Variants in RIN2 observed in about 807,000 individuals in gnomAD.
RIN2 encodes Ras and Rab interactor 2.
Under a neutral mutation model 78.0 loss-of-function variants are expected in RIN2, and 36 were observed. The ratio of observed to expected loss-of-function variants is 0.46; its 90% confidence interval spans 0.35 to 0.61. The LOEUF (loss-of-function observed/expected upper bound fraction) is 0.61, where lower values mean the gene tolerates loss of function less well. RIN2 is among the 20% of genes least tolerant of loss of function. RIN2 has a pLI of 0.00. For synonymous variants in RIN2, 466 were observed against 466.8 expected (o/e 1.00, Z 0.02); for missense variants, 1,087 against 1,159.7 (o/e 0.94, Z 0.91).
chr20:19,973,496 A>G (rs1267125950), intron 8 of RIN2, among the ~76,000 whole-genome samples: 5 of 152,088 alleles, frequency 3.3e-5, no homozygotes, highest in Non-Finnish European at 7.4e-5. Context: ...GATAGAGAAT[A>G]ACCCATTCCA....
intron 2 of RIN2, among the ~76,000 whole-genome samples, chr20:19,866,159 T>C (rs1260246255): frequency 6.6e-6 from 1 of 152,056 alleles, no homozygotes; most frequent in East Asian, 1.9e-4. Context: ...TAGATTCTCA[T>C]AAGGAGCACA....
chr20:19,844,721 C>T (rs1315369996), intron 2 of RIN2, among the ~76,000 whole-genome samples: 2 of 143,808 alleles, frequency 1.4e-5, no homozygotes, highest in Non-Finnish European at 3.0e-5. Flanking sequence ...TCTTCTTCTT[C>T]TTCTTCTTCT....
At chr20:19,926,836 G>C (rs978922383) in intron 3 of RIN2, among the ~76,000 whole-genome samples, 1 of 152,320 alleles carries the variant, frequency 6.6e-6, no homozygotes, top group East Asian at 1.9e-4. Flanking sequence ...TTTGAAGAGC[G>C]CTGTATCAGG....
intron 3 of RIN2, among the ~76,000 whole-genome samples, chr20:19,907,400 C>G (rs2039266272): frequency 6.6e-6 from 1 of 152,206 alleles, no homozygotes; most frequent in Non-Finnish European, 1.5e-5. Flanking sequence ...GGGGAGGCAG[C>G]TGGGGGTTGC....
chr20:19,976,936 T>C (rs1202602648), intron 9 of RIN2, among the ~76,000 whole-genome samples: 2 of 152,192 alleles, frequency 1.3e-5, no homozygotes, highest in Admixed American at 6.5e-5. Context: ...TGTTTTCTTG[T>C]GGTTTGACTG....
intron 2 of RIN2, among the ~76,000 whole-genome samples, chr20:19,881,548 C>T (rs1354638550): frequency 1.3e-5 from 2 of 152,134 alleles, no homozygotes; most frequent in Non-Finnish European, 2.9e-5. Flanking sequence ...GTTGTCATGA[C>T]ATTTCGACCC....
rs1309653405 is a variant in RIN2 at position 19,876,619 on chromosome 20, T to C, written c.-36-12947T>C. On this transcript the variant is annotated intron_variant, in intron 2 of 12. Transcript: ENST00000255006. ...GCCCTTTATAAATCAAAATACCACA[T>C]ACCGGCTGGGTGCTGTGGCTCACGC... is the stretch of plus-strand genomic sequence containing the variant. Among the ~76,000 whole-genome samples the C allele has an allele frequency of 2.0e-5, 3 of 152,146 alleles. No homozygotes were observed. In the East Asian group the frequency reaches 5.8e-4, roughly 29 times the overall value.
chr20:19,767,266 C>T (rs1404311965), intron 1 of RIN2, among the ~76,000 whole-genome samples: 4 of 152,186 alleles, frequency 2.6e-5, no homozygotes, highest in African/African-American at 9.7e-5. Context: ...CTAGATTCCT[C>T]CTGGTCTCTC....
At chr20:19,856,596 G>T (rs1450504879) in intron 2 of RIN2, among the ~76,000 whole-genome samples, 1 of 149,740 alleles carries the variant, frequency 6.7e-6, no homozygotes, top group Non-Finnish European at 1.5e-5. Context: ...GAGGGAGGGA[G>T]GATGGAAGAA....
At chr20:19,969,756 A>G (rs563645866) in intron 7 of RIN2, among the ~76,000 whole-genome samples, 3 of 135,050 alleles carry the variant, frequency 2.2e-5, no homozygotes, top group Non-Finnish European at 4.6e-5. Context: ...GACTATTACC[A>G]CCACTGGAAA....
chr20:19,995,260 T>A (rs1313938371), intron 11 of RIN2, among the ~76,000 whole-genome samples: 2 of 118,564 alleles, frequency 1.7e-5, no homozygotes, highest in Admixed American at 7.5e-5. Context: ...TGTTTTTTTT[T>A]TAAAAAAAAA....
In RIN2 at chr20:19,825,191, A is replaced by G. The variant is rs183158020; in HGVS notation, c.-37+25444A>G. On this transcript the variant is annotated intron_variant, in intron 2 of 12. Coordinates refer to ENST00000255006, the MANE Select transcript of RIN2 (RefSeq NM_018993.4). Reference sequence around the variant, plus strand: ...CTCACTTCCATACAAGACCCTCCCTATATGCCTTGTGCATCCCAATATGCC... The same window carrying G: ...CTCACTTCCATACAAGACCCTCCCTGTATGCCTTGTGCATCCCAATATGCC... 1.2e-4 allele frequency among the ~76,000 whole-genome samples: 18 copies of G among 152,182 alleles called. No individual in the cohort carries two copies. In the East Asian group the frequency reaches 3.3e-3, roughly 28 times the overall value.
chr20:19,789,484 C>T lies in RIN2; in HGVS notation c.-162-10138C>T, dbSNP rs567670529. The stretch of plus-strand genomic sequence containing the variant: ...TGACACTCTTAATTTTCTTCCTAGT[C>T]CTTTATGATTTCTCTATCTTGCCTA... On this transcript the variant is annotated intron_variant, in intron 1 of 12. Transcript: ENST00000255006. Among the ~76,000 whole-genome samples the T allele has an allele frequency of 2.8e-3, 425 of 152,260 alleles. 2 individuals carry two copies. Among genetic ancestry groups the T allele is most frequent in the Non-Finnish European group, 4.1e-3 (280 of 68,016 alleles).
In RIN2 at chr20:19,898,552, T is replaced by C. The variant is rs117628612; in HGVS notation, c.57+8894T>C. ...AATGCTTTGACAAATGATGTATTTG[T>C]AGTCAACTTAGAAAGGCAGTCTGTG... On this transcript the variant is annotated intron_variant, in intron 3 of 12. Transcript: ENST00000255006. Among the ~76,000 whole-genome samples, 260 of 152,372 alleles carry C rather than the reference T, an allele frequency of 1.7e-3. 1 individual carries two copies. The highest frequency in any genetic ancestry group is 7.5e-3 in the East Asian group (39 of 5,190).
intron 3 of RIN2, among the ~76,000 whole-genome samples, chr20:19,897,974 A>G (rs1027006753): frequency 3.9e-5 from 6 of 152,138 alleles, no homozygotes; most frequent in East Asian, 1.9e-4. Flanking sequence ...TCAGCCTCCC[A>G]AAGTGCTGGG....
intron 3 of RIN2, among the ~76,000 whole-genome samples, chr20:19,910,457 G>A (rs1156400973): frequency 2.6e-5 from 4 of 151,538 alleles, no homozygotes; most frequent in Non-Finnish European, 5.9e-5. Flanking sequence ...ACAGGCATAA[G>A]CCACCATGCT....
At chr20:19,992,330 T>C (rs558691291) in intron 11 of RIN2, 31 bp downstream of exon 11, 2 of 1,525,674 alleles carry the variant, frequency 1.3e-6, no homozygotes, top group African/African-American at 2.8e-5. Context: ...TTGAAGGAAC[T>C]GGGTGCTATT....
At chr20:19,880,801 A>G (rs74173340) in intron 2 of RIN2, among the ~76,000 whole-genome samples, 128 of 152,192 alleles carry the variant, frequency 8.4e-4, no homozygotes, top group Non-Finnish European at 1.4e-3. Flanking sequence ...TAAAGACACC[A>G]CTGTGAACAA....
At chr20:19,912,942 G>A (rs1600778633) in intron 3 of RIN2, among the ~76,000 whole-genome samples, 1 of 152,178 alleles carries the variant, frequency 6.6e-6, no homozygotes, top group East Asian at 1.9e-4. Flanking sequence ...ATGAGCGTGC[G>A]GTGCACAGGC....
Sources: allele counts gnomAD v4.1 joint callset (sites outside exome capture counted in the v4.1 genomes callset), GRCh38; gene constraint gnomAD v4.1.1; transcripts MANE v1.5; gene names NCBI Gene and HGNC (gene_info 2026-07-23, HGNC 2026-07-21).